Variants in CD226 observed in about 807,000 individuals in gnomAD.
CD226 encodes the protein CD226 molecule.
In CD226, 24 loss-of-function variants were observed where a neutral mutation model predicts 34.9. The ratio of observed to expected loss-of-function variants is 0.69; its 90% CI spans 0.50 to 0.97. The LOEUF (loss-of-function observed/expected upper bound fraction) is 0.97, where lower values mean the gene tolerates loss of function less well. CD226 is among the 50% of genes least tolerant of loss of function. CD226 has a pLI of 0.00. For synonymous variants in CD226, 148 were observed against 147.4 expected (o/e 1.00, Z -0.03); for missense variants, 397 against 412.7 (o/e 0.96, Z 0.33).
At chr18:69,925,876 AT>A (rs1367746440) in intron 2 of CD226, among the ~76,000 whole-genome samples, 3 of 152,090 alleles carry the variant, frequency 2.0e-5, no homozygotes, top group African/African-American at 7.2e-5. Flanking sequence ...GAAACAGTGG[AT>A]CCTGCCTGTA....
chr18:69,919,765 C>T (rs1202108382), intron 2 of CD226, among the ~76,000 whole-genome samples: 1 of 152,024 alleles, frequency 6.6e-6, no homozygotes, highest in African/African-American at 2.4e-5. Context: ...ATTTACTGAA[C>T]AGTACCAAAC....
In CD226 at chr18:69,891,596, C is replaced by G. The variant is rs150528996; in HGVS notation, c.727+4105G>C. 1.6e-3 allele frequency among the ~76,000 whole-genome samples: 249 copies of G among 152,116 alleles called. 1 individual carries two copies. The highest frequency in any genetic ancestry group is 5.9e-3 in the African/African-American group (245 of 41,514). On this transcript the variant is annotated intron_variant, in intron 3 of 5. Transcript: ENST00000582621. Reference sequence around the variant, plus strand: ...ATATATGTATAAAACCCTAAAAGTGCCACAAAAAAACCTGTTCAAACTAAT... The same window carrying G: ...ATATATGTATAAAACCCTAAAAGTGGCACAAAAAAACCTGTTCAAACTAAT...
chr18:69,895,554 T>C (rs942279006), intron 3 of CD226, 147 bp downstream of exon 3: 5 of 661,908 alleles, frequency 7.6e-6, no homozygotes, highest in Non-Finnish European at 1.3e-5. Context: ...ACTAGAATAA[T>C]GGCCAACTCA....
intron 2 of CD226, among the ~76,000 whole-genome samples, chr18:69,914,073 A>G (rs1438115237): frequency 2.6e-5 from 4 of 152,192 alleles, no homozygotes. Flanking sequence ...TTTTCATAGC[A>G]TGATTTTGGA....
chr18:69,877,126 A>G (rs974216745), intron 3 of CD226, among the ~76,000 whole-genome samples: 3 of 151,906 alleles, frequency 2.0e-5, no homozygotes, highest in Non-Finnish European at 4.4e-5. Context: ...GGCCTCCCAA[A>G]GTGCTGGGAT....
In CD226 at chr18:69,864,341, G is replaced by A; in HGVS notation, c.984C>T (p.Phe328=). ...AAACTCTAGTCTTTGGTCTGCGAGA[G>A]AAGGTTGGATAGTTGACATAAATAT... The part of the protein sequence containing the change: ...REDIYVNYPT[F]SRRPKTRV Residue 328 remains phenylalanine, a synonymous_variant, in exon 6 of 6, where the codon TTC becomes TTT. Coordinates refer to ENST00000582621, the MANE Select transcript of CD226 (RefSeq NM_001303618.2). 1 of 1,613,866 alleles carries A rather than the reference G, an allele frequency of 6.2e-7. No individual in the cohort carries two copies. The highest frequency in any genetic ancestry group is 8.5e-7 in the Non-Finnish European group (1 of 1,179,842).
At chr18:69,937,882 C>A (rs1302642165) in intron 2 of CD226, among the ~76,000 whole-genome samples, 1 of 152,078 alleles carries the variant, frequency 6.6e-6, no homozygotes, top group Non-Finnish European at 1.5e-5. Context: ...ATTCTGGAGC[C>A]CTTAATATTA....
chr18:69,908,134 GCTCT>G (rs2055279124), intron 2 of CD226, among the ~76,000 whole-genome samples: 1 of 152,076 alleles, frequency 6.6e-6, no homozygotes, highest in African/African-American at 2.4e-5. Flanking sequence ...GAATCCTACG[GCTCT>G]CTCTTTCCAC....
intron 2 of CD226, among the ~76,000 whole-genome samples, chr18:69,919,875 T>A (rs2145306570): frequency 6.6e-6 from 1 of 151,190 alleles, no homozygotes; most frequent in South Asian, 2.1e-4. Flanking sequence ...TTGTTGTCAC[T>A]CTTTTTTTTT....
intron 2 of CD226, among the ~76,000 whole-genome samples, chr18:69,906,985 G>A (rs1487650010): frequency 6.6e-6 from 1 of 152,142 alleles, no homozygotes. Context: ...CAGGGTGGCT[G>A]GAGCCTGCCT....
chr18:69,871,568 T>C (rs1983523192), intron 4 of CD226, among the ~76,000 whole-genome samples: 1 of 152,124 alleles, frequency 6.6e-6, no homozygotes, highest in African/African-American at 2.4e-5. Context: ...GATGGTGACA[T>C]CATGTCTATT....
At position 69,864,241 on chromosome 18, in the gene CD226, GA is replaced by G; in HGVS notation, c.*72del. 3.4e-6 allele frequency: 5 copies of G among 1,486,302 alleles called. No homozygotes were observed. The highest frequency in any genetic ancestry group is 1.4e-5 in the African/African-American group (1 of 72,286). The allele number at this position is 1,486,302 out of a possible 1,614,324, so 92.1% of individuals were successfully genotyped here. A position where few individuals can be genotyped will look rare whatever the true frequency, so the allele number is the denominator to read the frequency against. On this transcript the variant is annotated 3_prime_UTR_variant, in exon 6 of 6. Transcript: ENST00000582621. ...TATCTAAGGTAGACCTTGGGTAGTG[GA>G]AAAAAATTGCATAAAGATCCATGCA...
At chr18:69,921,794 T>C (rs2145310841) in intron 2 of CD226, among the ~76,000 whole-genome samples, 1 of 152,384 alleles carries the variant, frequency 6.6e-6, no homozygotes, top group Admixed American at 6.5e-5. Flanking sequence ...ATATTCTTTA[T>C]TCTTAGTCTT....
intron 2 of CD226, among the ~76,000 whole-genome samples, chr18:69,923,187 A>AAAGGAAGGAAGG (rs370867288): frequency 1.1e-4 from 17 of 150,644 alleles, no homozygotes; most frequent in African/African-American, 3.9e-4. Context: ...AGAAAGAAAG[A>AAAGGAAGGAAGG]AAGGAAGGAA....
rs1368738178 is a variant in CD226 at position 69,895,807 on chromosome 18, G to A, written c.621C>T (p.Ile207=). 15 of 1,614,172 alleles carry A rather than the reference G, an allele frequency of 9.3e-6. No homozygotes were observed. Among genetic ancestry groups the A allele is most frequent in the Non-Finnish European group, 1.1e-5 (13 of 1,180,008 alleles). ...SNCSHGRWSV[I]VIPDVTVSDS... Reference sequence around the variant, plus strand: ...CTGAGACTGTGACATCGGGGATGACGATGACGCTCCACCTTCCGTGGCTGC... The same window carrying A: ...CTGAGACTGTGACATCGGGGATGACAATGACGCTCCACCTTCCGTGGCTGC... Residue 207 remains isoleucine, a synonymous_variant, in exon 3 of 6, where the codon ATC becomes ATT. Transcript: ENST00000582621.
chr18:69,945,356 A>G (rs577034488), intron 2 of CD226, among the ~76,000 whole-genome samples: 2 of 152,324 alleles, frequency 1.3e-5, no homozygotes, highest in Admixed American at 1.3e-4. Flanking sequence ...AACTAACACC[A>G]GGTTGATGGA....
chr18:69,958,175 T>C (rs950588928), upstream of CD226, among the ~76,000 whole-genome samples: 1 of 152,210 alleles, frequency 6.6e-6, no homozygotes, highest in Admixed American at 6.5e-5. Context: ...CATCCTATTA[T>C]GCCTATTCAC....
In CD226 at chr18:69,858,718, C is replaced by CTTTTTTTTTTTTTTTTT. The variant is rs71178826; in HGVS notation, c.*5579_*5595dup. 8 of 44,974 alleles carry CTTTTTTTTTTTTTTTTT rather than the reference C, an allele frequency of 1.8e-4. 4 individuals carry two copies. The highest frequency in any genetic ancestry group is 3.3e-4 in the Non-Finnish European group (8 of 24,038). 2.8% of individuals were successfully genotyped at this position (44,974 alleles called of 1,614,324 possible). On this transcript the variant is annotated 3_prime_UTR_variant, in exon 6 of 6. Coordinates refer to ENST00000582621, the MANE Select transcript of CD226 (RefSeq NM_001303618.2). ...GCCACCCCTATGTTCAAATACTTAA[C>CTTTTTTTTTTTTTTTTT]TTTTTTTTTTTTTTTTTTTTTTTTT...
At chr18:69,896,456 C>T (rs1780139652) in intron 2 of CD226, among the ~76,000 whole-genome samples, 1 of 152,192 alleles carries the variant, frequency 6.6e-6, no homozygotes, top group South Asian at 2.1e-4. Context: ...GCTGGGATTA[C>T]AGGCATGAGC....
Sources: allele counts gnomAD v4.1 joint callset (sites outside exome capture counted in the v4.1 genomes callset), GRCh38; gene constraint gnomAD v4.1.1; transcripts MANE v1.5; gene names NCBI Gene and HGNC (gene_info 2026-07-23, HGNC 2026-07-21).